The following STPG2 variants were observed in gnomAD, a reference collection of about 807,000 sequenced individuals.
The protein encoded by STPG2 is sperm tail PG-rich repeat containing 2.
A neutral mutation model predicts 54.2 loss-of-function variants in STPG2; 56 were observed. The ratio of observed to expected loss-of-function variants is 1.03; its 90% CI spans 0.83 to 1.29. STPG2 has a LOEUF of 1.29. STPG2 is among the 50% of genes most tolerant of loss of function. The pLI, the probability that STPG2 is intolerant of heterozygous loss-of-function variation, is 0.00. For missense variants in STPG2, 596 were observed against 544.9 expected (o/e 1.09, Z -0.93); for synonymous variants, 200 against 181.8 (o/e 1.10, Z -0.81).
At chr4:98,092,087 G>C (rs1738711548) in intron 5 of STPG2, among the ~76,000 whole-genome samples, 1 of 152,000 alleles carries the variant, frequency 6.6e-6, no homozygotes, top group African/African-American at 2.4e-5. Context: ...GACTTGAAGA[G>C]ATAAGGTGCT....
chr4:97,531,581 A>G (rs970359943), intron 4 of STPG2, among the ~76,000 whole-genome samples: 2 of 152,238 alleles, frequency 1.3e-5, no homozygotes, highest in African/African-American at 4.8e-5. Context: ...AATGGAGGTC[A>G]TTATGTTATG....
intron 10 of STPG2, among the ~76,000 whole-genome samples, chr4:97,655,744 T>TA (rs1722203186): frequency 6.6e-6 from 1 of 152,252 alleles, no homozygotes; most frequent in Admixed American, 6.5e-5. Context: ...GCTGCACTAT[T>TA]ACAAGCTAGT....
intron 5 of STPG2, among the ~76,000 whole-genome samples, chr4:98,087,673 G>T (rs1023314482): frequency 6.7e-6 from 1 of 148,644 alleles, no homozygotes; most frequent in Non-Finnish European, 1.5e-5. Context: ...CCATTCTCCC[G>T]CCTCTGCCTC....
At chr4:97,586,233 A>G (rs372906382) in intron 10 of STPG2, among the ~76,000 whole-genome samples, 17 of 152,098 alleles carry the variant, frequency 1.1e-4, no homozygotes, top group Non-Finnish European at 1.5e-5. Flanking sequence ...AGACAATACA[A>G]TCAGTGAAAC....
At chr4:97,823,696 G>A (rs556435398) in intron 9 of STPG2, among the ~76,000 whole-genome samples, 19 of 152,154 alleles carry the variant, frequency 1.2e-4, no homozygotes. Flanking sequence ...CCACAGAAGG[G>A]ATGATACTGA....
chr4:97,679,276 C>T (rs1578474451), intron 10 of STPG2, among the ~76,000 whole-genome samples: 1 of 152,252 alleles, frequency 6.6e-6, no homozygotes, highest in African/African-American at 2.4e-5. Flanking sequence ...TCCACATCCT[C>T]TCCAGCACCT....
intron 4 of STPG2, among the ~76,000 whole-genome samples, chr4:97,486,221 C>A (rs919652853): frequency 4.6e-5 from 7 of 151,562 alleles, no homozygotes; most frequent in Non-Finnish European, 1.0e-4. Flanking sequence ...GGAACAGTCA[C>A]CAGAGTAAAA....
rs190764969 is a variant in STPG2 at position 97,809,349 on chromosome 4, C to T, written c.1204+31424G>A. On this transcript the variant is annotated intron_variant, in intron 9 of 10. Transcript: ENST00000295268. ...TGACAGGCAGAATTCTAAAGAAACC[C>T]CCCCAAGATTCCCATCACTGATTTT... Among the ~76,000 whole-genome samples the T allele has an allele frequency of 4.8e-4, 73 of 152,164 alleles. No individual in the cohort carries two copies. The Middle Eastern group carries it at 0.01, about 21-fold the overall frequency.
At chr4:97,520,564 T>C (rs1184061123) in intron 4 of STPG2, among the ~76,000 whole-genome samples, 2 of 152,098 alleles carry the variant, frequency 1.3e-5, no homozygotes, top group Non-Finnish European at 2.9e-5. Context: ...CAGGCTCTTG[T>C]AAATTTCCTC....
intron 3 of STPG2, among the ~76,000 whole-genome samples, chr4:98,112,512 T>C (rs758299232): frequency 6.6e-5 from 10 of 152,108 alleles, no homozygotes; most frequent in Non-Finnish European, 1.3e-4. Flanking sequence ...TGTGTAAGCA[T>C]TGGTTCTGTT....
intron 10 of STPG2, among the ~76,000 whole-genome samples, chr4:97,593,904 A>G (rs1473512824): frequency 6.6e-6 from 1 of 152,166 alleles, no homozygotes. Flanking sequence ...GAGCCGAGCC[A>G]TGATGCCTTA....
At chr4:97,507,364 A>G (rs530117404) in intron 4 of STPG2, among the ~76,000 whole-genome samples, 2 of 152,242 alleles carry the variant, frequency 1.3e-5, no homozygotes, top group South Asian at 4.1e-4. Flanking sequence ...TATATCTAAC[A>G]TAGCTTCAAA....
intron 9 of STPG2, among the ~76,000 whole-genome samples, chr4:97,833,912 AGT>A (rs1290337784): frequency 9.2e-5 from 14 of 152,006 alleles, no homozygotes; most frequent in Admixed American, 9.2e-4. Flanking sequence ...CACTGTTGGG[AGT>A]GTAAATTAGT....
intron 8 of STPG2, among the ~76,000 whole-genome samples, chr4:97,904,723 A>C (rs1010723646): frequency 2.0e-5 from 3 of 152,202 alleles, no homozygotes; most frequent in African/African-American, 7.2e-5. Flanking sequence ...AATTTAGAAG[A>C]ATGTATAACT....
At chr4:98,018,355 T>G (rs1323882268) in intron 5 of STPG2, among the ~76,000 whole-genome samples, 4 of 152,222 alleles carry the variant, frequency 2.6e-5, no homozygotes, top group Non-Finnish European at 5.9e-5. Context: ...ACTCATCATT[T>G]TTTATGGCTG....
intron 4 of STPG2, among the ~76,000 whole-genome samples, chr4:97,528,378 T>A (rs1395448017): frequency 1.3e-5 from 2 of 152,226 alleles, no homozygotes; most frequent in African/African-American, 4.8e-5. Context: ...TTGGTACCAG[T>A]ATCATGCTGT....
intron 5 of STPG2, among the ~76,000 whole-genome samples, chr4:98,093,855 T>G (rs1738762757): frequency 1.3e-5 from 2 of 152,124 alleles, no homozygotes; most frequent in South Asian, 2.1e-4. Context: ...GAAGGAGCAT[T>G]TGGACTAGCC....
Position 98,143,099 on chromosome 4 carries a change from C to T in STPG2, c.52G>A (p.Glu18Lys), listed in dbSNP as rs779722799. 1 of 1,614,008 alleles carries T rather than the reference C, an allele frequency of 6.2e-7. No individual in the cohort carries two copies. Among genetic ancestry groups the T allele is most frequent in the Admixed American group, 1.7e-5 (1 of 60,028 alleles). ...TAGGATCCAGGACCCACATGGGCCT[C>T]AGTGCTGCCACCTTCAGCCAATTTG... Reference protein sequence around the residue: ...LLKLAEGGSTEAHVGPGSYQV... With the variant: ...LLKLAEGGSTKAHVGPGSYQV... The change falls in exon 1 of 11, where the codon GAG becomes AAG. Residue 18 changes from glutamate to lysine, a missense_variant. By Grantham distance (56) the Glu-to-Lys change is moderately conservative (BLOSUM62 1). Coordinates refer to ENST00000295268, the MANE Select transcript of STPG2 (RefSeq NM_174952.3).
chr4:97,569,949 T>C (rs1219828764), intron 10 of STPG2, among the ~76,000 whole-genome samples: 1 of 152,042 alleles, frequency 6.6e-6, no homozygotes, highest in East Asian at 1.9e-4. Context: ...CCATATGTAA[T>C]ATATCCTGAA....
Sources: allele counts gnomAD v4.1 joint callset (sites outside exome capture counted in the v4.1 genomes callset), GRCh38; gene constraint gnomAD v4.1.1; transcripts MANE v1.5; gene names NCBI Gene and HGNC (gene_info 2026-07-23, HGNC 2026-07-21).